Variants in TFDP2 observed in about 807,000 individuals in gnomAD.
TFDP2 encodes transcription factor Dp-2, also known as transcription factor Dp-2 (E2F dimerization partner 2).
A neutral mutation model predicts 59.3 loss-of-function variants in TFDP2; 17 were observed. The observed-to-expected ratio is 0.29, with a 90% CI of 0.20 to 0.43. TFDP2 has a LOEUF of 0.43. Ranked by LOEUF, TFDP2 falls within the 20% of genes least tolerant of loss-of-function variation. The pLI is 1.00. For synonymous variants in TFDP2, 180 were observed against 194.7 expected (o/e 0.92, Z 0.63); for missense variants, 391 against 528.8 (o/e 0.74, Z 2.56).
rs36171492 is a variant in TFDP2 at position 141,969,054 on chromosome 3, CAT to C, written c.732+1017_732+1018del. Among the ~76,000 whole-genome samples the C allele has an allele frequency of 8.8e-3, 532 of 60,754 alleles. 90 individuals carry two copies. The highest frequency in any genetic ancestry group is 0.052 in the African/African-American group (480 of 9,244). 39.9% of individuals were successfully genotyped at this position (60,754 alleles called of 152,430 possible). A position where few individuals can be genotyped will look rare whatever the true frequency, so the allele number is the denominator to read the frequency against. On this transcript the variant is annotated intron_variant, in intron 9 of 12. Transcript: ENST00000489671. ...ATCTCATATATAGATATATATATAA[CAT>C]ATATATCTCATATATATGAGATATA...
intron 3 of TFDP2, among the ~76,000 whole-genome samples, chr3:142,079,028 T>C (rs1425007122): frequency 6.6e-6 from 1 of 151,592 alleles, no homozygotes; most frequent in Non-Finnish European, 1.5e-5. Context: ...AATGTATGAG[T>C]CTTCTAACGG....
At chr3:142,085,066 G>A (rs1404644989) in intron 3 of TFDP2, among the ~76,000 whole-genome samples, 1 of 151,962 alleles carries the variant, frequency 6.6e-6, no homozygotes, top group East Asian at 1.9e-4. Context: ...GATTACAAGC[G>A]AGTGCCACCA....
At chr3:142,059,339 T>C (rs1463375553) in intron 3 of TFDP2, among the ~76,000 whole-genome samples, 1 of 151,902 alleles carries the variant, frequency 6.6e-6, no homozygotes, top group East Asian at 1.9e-4. Flanking sequence ...GGTCTAAAGA[T>C]CTGGAATAAA....
At chr3:142,136,794 T>C (rs556894421) in intron 1 of TFDP2, among the ~76,000 whole-genome samples, 4 of 152,160 alleles carry the variant, frequency 2.6e-5, no homozygotes, top group Middle Eastern at 3.4e-3. Flanking sequence ...TTTTGGTTAC[T>C]TGTAGTATAG....
At chr3:142,035,705 G>A (rs1485042971) in intron 3 of TFDP2, among the ~76,000 whole-genome samples, 1 of 152,134 alleles carries the variant, frequency 6.6e-6, no homozygotes, top group Non-Finnish European at 1.5e-5. Context: ...TCTTTCTGGT[G>A]CTGTTCTTGT....
chr3:142,118,234 A>G (rs889199296), intron 1 of TFDP2, among the ~76,000 whole-genome samples: 1 of 152,190 alleles, frequency 6.6e-6, no homozygotes, highest in Non-Finnish European at 1.5e-5. Context: ...GAACCTTCAC[A>G]AAAGAGAGCA....
chr3:142,022,404 A>G (rs1327043909), intron 3 of TFDP2, among the ~76,000 whole-genome samples: 1 of 152,128 alleles, frequency 6.6e-6, no homozygotes, highest in Non-Finnish European at 1.5e-5. Context: ...AGTCTGAGTG[A>G]CCCTTATTTC....
rs1315557735 is a variant in TFDP2, at chr3:141,959,782, G to C, written c.943C>G (p.Leu315Val). 2.5e-6 allele frequency: 4 copies of C among 1,614,136 alleles called. No homozygotes were observed. Reference protein sequence around the residue: ...TFEIHDDIEVLKRMGMSFGLE... With the variant: ...TFEIHDDIEVVKRMGMSFGLE... ...CCAAACGACATTCCCATCCGCTTTAGTACTTCTATGTCATCATGGATCTCA... is the reference window on the plus strand; with the variant it reads ...CCAAACGACATTCCCATCCGCTTTACTACTTCTATGTCATCATGGATCTCA... The change falls in exon 11 of 13, where the codon CTA becomes GTA. Residue 315 changes from leucine to valine, a missense_variant. Leu to Val is a conservative substitution (Grantham distance 32). Coordinates refer to ENST00000489671, the MANE Select transcript of TFDP2 (RefSeq NM_001178139.2).
At chr3:141,964,600 A>G (rs563274622) in intron 9 of TFDP2, among the ~76,000 whole-genome samples, 10 of 152,308 alleles carry the variant, frequency 6.6e-5, no homozygotes, top group Admixed American at 5.2e-4. Context: ...TGCTGTGAGC[A>G]GAGATCATAC....
intron 2 of TFDP2, among the ~76,000 whole-genome samples, chr3:142,098,003 G>A (rs2061215645): frequency 6.6e-6 from 1 of 152,106 alleles, no homozygotes; most frequent in South Asian, 2.1e-4. Flanking sequence ...ATGTTGGCCA[G>A]GCTGGTCTCG....
chr3:142,019,681 C>T (rs1013919248), intron 3 of TFDP2, among the ~76,000 whole-genome samples: 1 of 148,300 alleles, frequency 6.7e-6, no homozygotes, highest in Admixed American at 6.8e-5. Context: ...AATTTTAAAG[C>T]CTTCATTTTA....
chr3:142,096,469 A>G (rs2061167651), intron 2 of TFDP2, among the ~76,000 whole-genome samples: 1 of 152,150 alleles, frequency 6.6e-6, no homozygotes, highest in African/African-American at 2.4e-5. Flanking sequence ...TTGCCTAATC[A>G]TGTCCTGAGG....
chr3:142,047,047 A>G (rs568297085), intron 3 of TFDP2, among the ~76,000 whole-genome samples: 2 of 152,294 alleles, frequency 1.3e-5, no homozygotes, highest in African/African-American at 4.8e-5. Context: ...AAATATGCCT[A>G]TTGATACTAT....
intron 2 of TFDP2, among the ~76,000 whole-genome samples, chr3:142,095,283 C>A (rs905188942): frequency 1.3e-5 from 2 of 152,142 alleles, no homozygotes; most frequent in African/African-American, 4.8e-5. Context: ...AGCCACCACG[C>A]CTGGCTGTAT....
chr3:142,136,743 C>T (rs998440020), intron 1 of TFDP2, among the ~76,000 whole-genome samples: 16 of 151,538 alleles, frequency 1.1e-4, no homozygotes, highest in South Asian at 6.2e-4. Context: ...ATGTTCTGTT[C>T]TATTGGTCTA....
At chr3:142,023,074 C>T (rs564533657) in intron 3 of TFDP2, among the ~76,000 whole-genome samples, 6 of 128,702 alleles carry the variant, frequency 4.7e-5, no homozygotes, top group Non-Finnish European at 9.3e-5. Context: ...AAGCCAAGAT[C>T]GTGTCACTGC....
chr3:142,117,753 A>G (rs1036410246), intron 1 of TFDP2, among the ~76,000 whole-genome samples: 5 of 152,184 alleles, frequency 3.3e-5, no homozygotes, highest in African/African-American at 7.2e-5. Context: ...TATATAAAGA[A>G]GCGCTTTCTC....
chr3:141,988,077 C>T (rs2108135820), intron 6 of TFDP2, among the ~76,000 whole-genome samples: 1 of 150,718 alleles, frequency 6.6e-6, no homozygotes, highest in East Asian at 1.9e-4. Context: ...TCCCAAATAG[C>T]TGGGACTACA....
At chr3:141,965,607 G>A (rs989235745) in intron 9 of TFDP2, among the ~76,000 whole-genome samples, 1 of 150,854 alleles carries the variant, frequency 6.6e-6, no homozygotes, top group African/African-American at 2.5e-5. Context: ...GAAAGGAAAG[G>A]AAAGGAAAGG....
Sources: allele counts gnomAD v4.1 joint callset (sites outside exome capture counted in the v4.1 genomes callset), GRCh38; gene constraint gnomAD v4.1.1; transcripts MANE v1.5; gene names NCBI Gene and HGNC (gene_info 2026-07-23, HGNC 2026-07-21).